The following ENPP1 variants were observed in gnomAD, a reference collection of about 807,000 sequenced individuals.
The protein encoded by ENPP1 is ectonucleotide pyrophosphatase/phosphodiesterase family member 1.
A neutral mutation model predicts 122.8 loss-of-function variants in ENPP1; 73 were observed. The ratio of observed to expected loss-of-function variants is 0.59; its 90% CI spans 0.49 to 0.72. The LOEUF (loss-of-function observed/expected upper bound fraction) is 0.72. Ranked by LOEUF, ENPP1 falls within the 30% of genes least tolerant of loss-of-function variation. The pLI, the probability that ENPP1 is intolerant of heterozygous loss-of-function variation, is 0.00. For missense variants in ENPP1, 978 were observed against 1,128.1 expected, an observed-to-expected ratio of 0.87 and a Z score of 1.91; for synonymous variants, 367 against 391.6, an observed-to-expected ratio of 0.94 and a Z score of 0.74.
intron 6 of ENPP1, among the ~76,000 whole-genome samples, chr6:131,855,473 A>T (rs1483828635): frequency 6.6e-6 from 1 of 152,072 alleles, no homozygotes; most frequent in Admixed American, 6.6e-5. Context: ...TTTCAAGCAC[A>T]TGACACCATG....
chr6:131,836,317 T>G (rs1781673706), intron 1 of ENPP1, among the ~76,000 whole-genome samples: 1 of 152,128 alleles, frequency 6.6e-6, no homozygotes, highest in Non-Finnish European at 1.5e-5. Context: ...TTTCACCATG[T>G]TGGTCAGGCT....
Position 131,843,757 on chromosome 6 carries a change from C to T in ENPP1, c.241-4019C>T, listed in dbSNP as rs192390503. On this transcript the variant is annotated intron_variant, in intron 1 of 24. Transcript: ENST00000647893. ...ATGATTTCAGATTAAGCTGGGCTCC[C>T]AGAGCTGGAGGGTCTTTTTACTCTT... 1.1e-3 allele frequency among the ~76,000 whole-genome samples: 160 copies of T among 151,912 alleles called. 1 individual carries two copies. The highest frequency in any genetic ancestry group is 3.6e-3 in the African/African-American group (148 of 41,376).
rs1175451389 is a variant in ENPP1, at chr6:131,891,197, T to C, written c.*686T>C. 6.7e-6 allele frequency: 1 copy of C among 149,332 alleles called. No homozygotes were observed. Among genetic ancestry groups the C allele is most frequent in the African/African-American group, 2.6e-5 (1 of 38,860 alleles). 9.3% of individuals were successfully genotyped at this position (149,332 alleles called of 1,614,324 possible). ...TACTTACCTATTATAAAATCTTACT[T>C]TGTATTTGTATTTAAAAAAGAAAAA... On this transcript the variant is annotated 3_prime_UTR_variant, in exon 25 of 25. Transcript: ENST00000647893.
At chr6:131,885,155 T>C in intron 23 of ENPP1, 92 bp downstream of exon 23, 3 of 1,214,840 alleles carry the variant, frequency 2.5e-6, no homozygotes, top group Non-Finnish European at 3.6e-6. Context: ...ACCTTTTTTA[T>C]CCAGTGTCGT....
rs188524157 is a variant in ENPP1 at position 131,820,995 on chromosome 6, G to T, written c.240+12720G>T. 1.5e-3 allele frequency among the ~76,000 whole-genome samples: 224 copies of T among 152,244 alleles called. 1 individual carries two copies. The highest frequency in any genetic ancestry group is 7.3e-3 in the South Asian group (35 of 4,816). ...GTGCATAATATGCCCTGAATAAGTG[G>T]TTTTTTCTTGTTATTGTTGATAAGC... is the stretch of plus-strand genomic sequence containing the variant. On this transcript the variant is annotated intron_variant, in intron 1 of 24. Transcript: ENST00000647893.
intron 1 of ENPP1, among the ~76,000 whole-genome samples, chr6:131,840,775 G>A (rs1183302898): frequency 6.6e-6 from 1 of 152,186 alleles, no homozygotes; most frequent in East Asian, 1.9e-4. Flanking sequence ...TGCTTGAGAT[G>A]TAGTAGGATC....
chr6:131,893,789 G>A lies in ENPP1; in HGVS notation c.*3278G>A, dbSNP rs1431672352. The A allele has an allele frequency of 6.6e-6, 1 of 151,852 alleles. No homozygotes were observed. The highest frequency in any genetic ancestry group is 1.5e-5 in the Non-Finnish European group (1 of 67,962). 9.4% of individuals were successfully genotyped at this position (151,852 alleles called of 1,614,324 possible). A position where few individuals can be genotyped will look rare whatever the true frequency, so the allele number is the denominator to read the frequency against. ...TCTTGAAAGAGTTTTAAACAGATAAGATGGCAAAAGTGACTGATCTCTACT... is the reference window on the plus strand; with the variant it reads ...TCTTGAAAGAGTTTTAAACAGATAAAATGGCAAAAGTGACTGATCTCTACT... On this transcript the variant is annotated 3_prime_UTR_variant, in exon 25 of 25. Coordinates refer to ENST00000647893, the MANE Select transcript of ENPP1 (RefSeq NM_006208.3).
rs372360673 is a variant in ENPP1 at position 131,823,252 on chromosome 6, A to G, written c.240+14977A>G. On this transcript the variant is annotated intron_variant, in intron 1 of 24. Coordinates refer to ENST00000647893, the MANE Select transcript of ENPP1 (RefSeq NM_006208.3). ...TAAAGACTTATCTCCTTTAATGGGTACAGTTCTGTGAGGTAGGAGGGAGCA... is the reference window on the plus strand; with the variant it reads ...TAAAGACTTATCTCCTTTAATGGGTGCAGTTCTGTGAGGTAGGAGGGAGCA... 6.7e-4 allele frequency among the ~76,000 whole-genome samples: 102 copies of G among 152,318 alleles called. 3 individuals are homozygous for G. The South Asian group carries it at 0.021, about 31-fold the overall frequency.
chr6:131,835,271 C>A (rs1014707349), intron 1 of ENPP1, among the ~76,000 whole-genome samples: 3 of 152,088 alleles, frequency 2.0e-5, no homozygotes, highest in Admixed American at 2.0e-4. Context: ...TTTAACCTTT[C>A]CTTCTAAAAA....
At chr6:131,863,488 C>A (rs905043966) in intron 9 of ENPP1, among the ~76,000 whole-genome samples, 2 of 152,038 alleles carry the variant, frequency 1.3e-5, no homozygotes, top group African/African-American at 2.4e-5. Context: ...TCTTAAATCC[C>A]AGACACGAAA....
intron 1 of ENPP1, chr6:131,827,725 C>T (rs1032180926): frequency 4.6e-5 from 31 of 680,284 alleles, no homozygotes; most frequent in Non-Finnish European, 8.0e-5. Context: ...GGCCTCTTGC[C>T]CCTCCTTCTT....
intron 9 of ENPP1, 59 bp downstream of exon 9, chr6:131,861,763 TCTC>T: frequency 2.1e-6 from 2 of 960,670 alleles, no homozygotes; most frequent in East Asian, 2.4e-5. Context: ...TCTTATGTAA[TCTC>T]CTTTTTATTG....
chr6:131,812,784 C>G (rs1781369732), intron 1 of ENPP1, among the ~76,000 whole-genome samples: 1 of 152,124 alleles, frequency 6.6e-6, no homozygotes, highest in Admixed American at 6.6e-5. Context: ...TACATTGATT[C>G]CATATGAAAA....
rs1782469076 is a variant in ENPP1 at position 131,891,487 on chromosome 6, C to G, written c.*976C>G. The G allele has an allele frequency of 6.6e-6, 1 of 152,174 alleles. No homozygotes were observed. The allele number at this position is 152,174 out of a possible 1,614,324, so 9.4% of individuals were successfully genotyped here. On this transcript the variant is annotated 3_prime_UTR_variant, in exon 25 of 25. Transcript: ENST00000647893. Reference sequence around the variant, plus strand: ...GAACATGCCACCAATCACCTCACATCTTCTTGGTGGACATGATAAATGACA... The same window carrying G: ...GAACATGCCACCAATCACCTCACATGTTCTTGGTGGACATGATAAATGACA...
At chr6:131,886,451 T>C (rs1782378133) in intron 23 of ENPP1, 111 bp from the exon 24 acceptor site, 1 of 800,952 alleles carries the variant, frequency 1.2e-6, no homozygotes, top group Non-Finnish European at 2.1e-6. Context: ...TATATTTAAT[T>C]ATTTGTTTGA....
rs1782456375 is a variant in ENPP1 at position 131,890,618 on chromosome 6, A to C, written c.*107A>C. ...TGTTCAGAAACTGTCGACCAGAGTTAGAACGGAGCCCTCGGTGATGCGGAC... is the reference window on the plus strand; with the variant it reads ...TGTTCAGAAACTGTCGACCAGAGTTCGAACGGAGCCCTCGGTGATGCGGAC... On this transcript the variant is annotated 3_prime_UTR_variant, in exon 25 of 25. Transcript: ENST00000647893. The C allele has an allele frequency of 9.9e-7, 1 of 1,012,620 alleles. No individual in the cohort carries two copies. Among genetic ancestry groups the C allele is most frequent in the African/African-American group, 1.6e-5 (1 of 62,646 alleles). The allele number at this position is 1,012,620 out of a possible 1,614,324, so 62.7% of individuals were successfully genotyped here.
chr6:131,839,305 C>T (rs574488639), intron 1 of ENPP1, among the ~76,000 whole-genome samples: 2 of 151,946 alleles, frequency 1.3e-5, no homozygotes, highest in African/African-American at 2.4e-5. Context: ...ATTCCCCTCT[C>T]CCCTTTACCA....
chr6:131,813,137 G>A (rs1030703716), intron 1 of ENPP1, among the ~76,000 whole-genome samples: 6 of 152,072 alleles, frequency 3.9e-5, no homozygotes, highest in Admixed American at 1.3e-4. Flanking sequence ...CACTTTGCCC[G>A]GTGATTCGGA....
rs1292670925 is a variant in ENPP1, at chr6:131,850,025, T to A, written c.349T>A (p.Phe117Ile). The A allele has an allele frequency of 1.9e-6, 3 of 1,613,936 alleles. No homozygotes were observed. Residue 117 changes from phenylalanine (F) to isoleucine (I), a missense_variant, in exon 3 of 25, where the codon TTT becomes ATT. Phe to Ile is a conservative substitution (Grantham distance 21). Around this residue, in one of 3 missense-constraint regions of ENPP1, gnomAD observed 330 missense variants for 328.5 expected, o/e 1.00. Transcript: ENST00000647893. ...CAAAGGTCGCTGTTTCGAGAGAACA[T>A]TTGGGAACTGTCGCTGTGATGCTGC... ...SCKGRCFERT[F>I]GNCRCDAACV... is the part of the protein sequence containing the mutation.
Sources: allele counts gnomAD v4.1 joint callset (sites outside exome capture counted in the v4.1 genomes callset), GRCh38; gene constraint gnomAD v4.1.1; regional missense constraint gnomAD v4.1.1; transcripts MANE v1.5; gene names NCBI Gene and HGNC (gene_info 2026-07-23, HGNC 2026-07-21).